The following NOS1AP variants were observed in gnomAD, a reference collection of about 807,000 sequenced individuals.
NOS1AP encodes nitric oxide synthase 1 adaptor protein, also known as carboxyl-terminal PDZ ligand of neuronal nitric oxide synthase protein.
In NOS1AP, 21 loss-of-function variants were observed where a neutral mutation model predicts 56.2. That is an observed-to-expected ratio of 0.37 (90% CI 0.26 to 0.54). The LOEUF is 0.54. Ranked by LOEUF, NOS1AP falls within the 20% of genes least tolerant of loss-of-function variation. The pLI, the probability that NOS1AP is intolerant of heterozygous loss-of-function variation, is 0.84. For synonymous variants in NOS1AP, 270 were observed against 274.6 expected, an observed-to-expected ratio of 0.98 and a Z score of 0.17; for missense variants, 522 against 657.8, an observed-to-expected ratio of 0.79 and a Z score of 2.26.
intron 1 of NOS1AP, among the ~76,000 whole-genome samples, chr1:162,110,939 T>G (rs1257227616): frequency 6.6e-6 from 1 of 152,234 alleles, no homozygotes; most frequent in East Asian, 1.9e-4. Context: ...CACTCACTGA[T>G]GTCCATTCAT....
chr1:162,158,352 C>T (rs1225103972), intron 2 of NOS1AP, among the ~76,000 whole-genome samples: 1 of 152,104 alleles, frequency 6.6e-6, no homozygotes, highest in East Asian at 1.9e-4. Flanking sequence ...CTTAATATTC[C>T]ATAGTGTATA....
chr1:162,235,679 G>A (rs754236517), intron 2 of NOS1AP, among the ~76,000 whole-genome samples: 9 of 152,094 alleles, frequency 5.9e-5, no homozygotes, highest in Non-Finnish European at 1.2e-4. Flanking sequence ...ATTAAGCAGA[G>A]TAGTGACTGC....
chr1:162,298,106 G>A (rs1039405637), intron 3 of NOS1AP, among the ~76,000 whole-genome samples: 1 of 152,204 alleles, frequency 6.6e-6, no homozygotes, highest in Non-Finnish European at 1.5e-5. Context: ...ACAATTCACG[G>A]AAGACCGTCC....
At chr1:162,215,391 G>C (rs948002249) in intron 2 of NOS1AP, among the ~76,000 whole-genome samples, 2 of 152,242 alleles carry the variant, frequency 1.3e-5, no homozygotes, top group Admixed American at 1.3e-4. Context: ...TGGCAGCACT[G>C]TGTTGTGTCC....
intron 2 of NOS1AP, among the ~76,000 whole-genome samples, chr1:162,163,121 A>G (rs913051971): frequency 6.6e-6 from 1 of 152,208 alleles, no homozygotes; most frequent in Non-Finnish European, 1.5e-5. Context: ...CCATATTGGG[A>G]CATGTATCAG....
chr1:162,161,629 G>A (rs1277335114), intron 2 of NOS1AP, among the ~76,000 whole-genome samples: 1 of 151,176 alleles, frequency 6.6e-6, no homozygotes, highest in Non-Finnish European at 1.5e-5. Context: ...CTCTTGCTCT[G>A]TCACCCATGT....
intron 2 of NOS1AP, among the ~76,000 whole-genome samples, chr1:162,261,507 A>G (rs1339843989): frequency 3.8e-4 from 7 of 18,418 alleles, no homozygotes; most frequent in African/African-American, 1.6e-3. Context: ...AGAGAGAGAG[A>G]GAGAGAGAGA....
chr1:162,299,487 T>G (rs899504009), intron 3 of NOS1AP, among the ~76,000 whole-genome samples: 1 of 152,234 alleles, frequency 6.6e-6, no homozygotes, highest in Non-Finnish European at 1.5e-5. Flanking sequence ...CTTGCTCTGT[T>G]TATGTATTTG....
chr1:162,077,120 G>T (rs548941307), intron 1 of NOS1AP, among the ~76,000 whole-genome samples: 1 of 152,080 alleles, frequency 6.6e-6, no homozygotes, highest in East Asian at 1.9e-4. Context: ...AAGTAAAATG[G>T]CTGGGTCCCA....
At chr1:162,072,111 T>A (rs928443546) in intron 1 of NOS1AP, among the ~76,000 whole-genome samples, 9 of 150,760 alleles carry the variant, frequency 6.0e-5, no homozygotes, top group Admixed American at 2.0e-4. Context: ...GATAGATAGA[T>A]AGAAAGTGTA....
chr1:162,072,811 T>C (rs1266893913), intron 1 of NOS1AP, among the ~76,000 whole-genome samples: 2 of 152,220 alleles, frequency 1.3e-5, no homozygotes, highest in Non-Finnish European at 2.9e-5. Context: ...CAGAGCAGTG[T>C]CTATGCAACT....
At chr1:162,282,767 G>GCTCCTTCTAGATAGGTAGTGAACA (rs1169552457) in intron 2 of NOS1AP, among the ~76,000 whole-genome samples, 1 of 152,226 alleles carries the variant, frequency 6.6e-6, no homozygotes, top group Non-Finnish European at 1.5e-5. Flanking sequence ...AAGCTCCAAA[G>GCTCCTTCTAGATAGGTAGTGAACA]CTCCTTCTAG....
rs1024186205 is a variant in NOS1AP, at chr1:162,204,157, G to A, written c.177+49681G>A. ...GGGACAATACAAACTCCTTTACATAGCCCAAAAGGGCACAAGCAAATGACC... is the reference window on the plus strand; with the variant it reads ...GGGACAATACAAACTCCTTTACATAACCCAAAAGGGCACAAGCAAATGACC... On this transcript the variant is annotated intron_variant, in intron 2 of 9. Transcript: ENST00000361897. Among the ~76,000 whole-genome samples, 14 of 152,282 alleles carry A rather than the reference G, an allele frequency of 9.2e-5. No homozygotes were observed. In the South Asian group the frequency reaches 2.7e-3, roughly 29 times the overall value.
At chr1:162,357,233 G>C in intron 8 of NOS1AP, 97 bp downstream of exon 8, 1 of 1,536,506 alleles carries the variant, frequency 6.5e-7, no homozygotes, top group Non-Finnish European at 8.7e-7. Flanking sequence ...AAAATCTAGG[G>C]AGTCATAAGG....
intron 2 of NOS1AP, among the ~76,000 whole-genome samples, chr1:162,192,975 T>G (rs1651691456): frequency 6.6e-6 from 1 of 152,106 alleles, no homozygotes; most frequent in South Asian, 2.1e-4. Context: ...TGACCCCTGG[T>G]AAAAGTCAAG....
chr1:162,220,354 C>A (rs562473139), intron 2 of NOS1AP, among the ~76,000 whole-genome samples: 1 of 152,122 alleles, frequency 6.6e-6, no homozygotes, highest in South Asian at 2.1e-4. Flanking sequence ...GCGTGGGTCT[C>A]GGTTGCTGCC....
At chr1:162,075,962 C>T (rs1043673992) in intron 1 of NOS1AP, among the ~76,000 whole-genome samples, 3 of 152,126 alleles carry the variant, frequency 2.0e-5, no homozygotes, top group Admixed American at 6.5e-5. Context: ...GGCTTTCAGT[C>T]GTAGTTCCTT....
At chr1:162,154,558 C>A in intron 2 of NOS1AP, 82 bp downstream of exon 2, 2 of 1,314,106 alleles carry the variant, frequency 1.5e-6, no homozygotes, top group African/African-American at 1.4e-5. Flanking sequence ...CTGGAGGGGC[C>A]AAAATGGATG....
At chr1:162,288,137 G>C (rs1034873767) in intron 3 of NOS1AP, among the ~76,000 whole-genome samples, 1 of 152,154 alleles carries the variant, frequency 6.6e-6, no homozygotes, top group Non-Finnish European at 1.5e-5. Flanking sequence ...GGCTAGATTC[G>C]TATGGTGGGA....
Sources: gnomAD v4.1 joint callset for allele counts (sites outside exome capture counted in the v4.1 genomes callset) on GRCh38, gnomAD v4.1.1 for gene constraint, MANE v1.5 for transcripts, NCBI Gene and HGNC (gene_info 2026-07-23, HGNC 2026-07-21) for gene names.